Variants in TMEM232 observed in about 807,000 individuals in gnomAD.
TMEM232 encodes transmembrane protein 232.
In TMEM232, 80 loss-of-function variants were observed where a neutral mutation model predicts 78.8. The ratio of observed to expected loss-of-function variants is 1.01; its 90% CI spans 0.85 to 1.22. The LOEUF (loss-of-function observed/expected upper bound fraction) is 1.22, where lower values mean the gene tolerates loss of function less well. Ranked by LOEUF, TMEM232 falls within the 50% of genes most tolerant of loss-of-function variation. The pLI is 0.00. For synonymous variants in TMEM232, 297 were observed against 254.3 expected, an observed-to-expected ratio of 1.17 and a Z score of -1.60; for missense variants, 881 against 742.2, an observed-to-expected ratio of 1.19 and a Z score of -2.17.
chr5:110,627,750 T>A (rs772417119), intron 6 of TMEM232, 31 bp downstream of exon 6: 1 of 1,340,358 alleles, frequency 7.5e-7, no homozygotes, highest in East Asian at 2.6e-5. Flanking sequence ...ACATAAAACA[T>A]TTATAAGTGT....
intron 11 of TMEM232, among the ~76,000 whole-genome samples, chr5:110,564,394 T>C (rs139577542): frequency 1.1e-4 from 17 of 151,982 alleles, no homozygotes; most frequent in Admixed American, 5.3e-4. Flanking sequence ...TATTTCAAAA[T>C]GGCTTTCTTT....
intron 10 of TMEM232, among the ~76,000 whole-genome samples, chr5:110,582,888 T>A (rs547251696): frequency 1.3e-5 from 2 of 151,866 alleles, no homozygotes; most frequent in East Asian, 3.9e-4. Flanking sequence ...AAAAAGGAAA[T>A]TAGTAAAACA....
intron 10 of TMEM232, among the ~76,000 whole-genome samples, chr5:110,570,875 A>G (rs1175238800): frequency 6.6e-6 from 1 of 151,974 alleles, no homozygotes; most frequent in Non-Finnish European, 1.5e-5. Flanking sequence ...TTCTAATATG[A>G]CATCATTTTG....
At position 110,638,195 on chromosome 5, in the gene TMEM232, T is replaced by C; in HGVS notation, c.501+3A>G. Reference sequence around the variant, plus strand: ...AAACATTAAGAAGTTTTTCAAAACATACCTTTGCTAGCTTTATTTCAACTG... The same window carrying C: ...AAACATTAAGAAGTTTTTCAAAACACACCTTTGCTAGCTTTATTTCAACTG... On this transcript the variant is annotated splice_donor_region_variant and intron_variant, in intron 5 of 13. Coordinates refer to ENST00000455884, the MANE Select transcript of TMEM232 (RefSeq NM_001039763.4). 1 of 1,537,812 alleles carries C rather than the reference T, an allele frequency of 6.5e-7. No individual in the cohort carries two copies. The highest frequency in any genetic ancestry group is 8.8e-7 in the Non-Finnish European group (1 of 1,141,482).
intron 11 of TMEM232, among the ~76,000 whole-genome samples, chr5:110,531,624 T>C (rs1383723128): frequency 6.6e-6 from 1 of 152,258 alleles, no homozygotes; most frequent in Admixed American, 6.5e-5. Flanking sequence ...AGACATGTTT[T>C]ATTCGTCTCC....
intron 11 of TMEM232, among the ~76,000 whole-genome samples, chr5:110,567,014 G>A (rs1204331091): frequency 6.6e-6 from 1 of 151,864 alleles, no homozygotes; most frequent in Non-Finnish European, 1.5e-5. Flanking sequence ...GAGAGCATGT[G>A]CAGGGAAACT....
At position 110,420,187 on chromosome 5, in the gene TMEM232, ATAAT is replaced by A. The variant is rs1756498553; in HGVS notation, c.*389_*392del. The A allele has an allele frequency of 1.3e-5, 2 of 155,238 alleles. No homozygotes were observed. Among genetic ancestry groups the A allele is most frequent in the Admixed American group, 6.5e-5 (1 of 15,338 alleles). The allele number at this position is 155,238 out of a possible 1,614,324, so 9.6% of individuals were successfully genotyped here. A position where few individuals can be genotyped will look rare whatever the true frequency, so the allele number is the denominator to read the frequency against. On this transcript the variant is annotated 3_prime_UTR_variant, in exon 14 of 14. Coordinates refer to ENST00000455884, the MANE Select transcript of TMEM232 (RefSeq NM_001039763.4). ...TTTATGTTCATTCTGTTTTCAAGAA[ATAAT>A]TCTTATCTGGTGACCCATTAATTAA...
Position 110,640,975 on chromosome 5 carries a change from G to C in TMEM232, c.259C>G (p.Leu87Val). 1 of 1,531,780 alleles carries C rather than the reference G, an allele frequency of 6.5e-7. No individual in the cohort carries two copies. The highest frequency in any genetic ancestry group is 8.8e-7 in the Non-Finnish European group (1 of 1,137,966). The allele number at this position is 1,531,780 out of a possible 1,614,324, so 94.9% of individuals were successfully genotyped here. ...RCKRKLGLKTLGSGRHVHLPA... is the reference protein window; with the variant it reads ...RCKRKLGLKTVGSGRHVHLPA... ...AGATGCACATGCCTTCCAGAGCCCA[G>C]GGTTTTGAGACCCAATTTTCTCTGT... Residue 87 changes from leucine to valine, a missense_variant, in exon 4 of 14, where the codon CTG (leucine) becomes GTG (valine). Leu to Val is a conservative substitution (Grantham distance 32). Coordinates refer to ENST00000455884, the MANE Select transcript of TMEM232 (RefSeq NM_001039763.4).
chr5:110,729,923 A>G (rs1798517139), upstream of TMEM232, among the ~76,000 whole-genome samples: 1 of 152,222 alleles, frequency 6.6e-6, no homozygotes, highest in Non-Finnish European at 1.5e-5. Context: ...CTCATTTTAG[A>G]AGCCTTCCAA....
chr5:110,578,719 G>A (rs1000337116), intron 10 of TMEM232, among the ~76,000 whole-genome samples: 3 of 151,734 alleles, frequency 2.0e-5, no homozygotes, highest in Non-Finnish European at 4.4e-5. Context: ...TCGTGACATC[G>A]GCAAGATGGC....
chr5:110,434,982 A>G (rs1758263501), intron 12 of TMEM232, among the ~76,000 whole-genome samples: 2 of 151,754 alleles, frequency 1.3e-5, no homozygotes, highest in South Asian at 4.1e-4. Flanking sequence ...AACCTACTGA[A>G]TGGGCAAAAT....
At chr5:110,721,045 T>C (rs1235481349) in intron 1 of TMEM232, among the ~76,000 whole-genome samples, 1 of 152,086 alleles carries the variant, frequency 6.6e-6, no homozygotes, top group Non-Finnish European at 1.5e-5. Flanking sequence ...AAAATAATGC[T>C]GAAAGCCACA....
At chr5:110,598,755 G>A (rs752281638) in intron 10 of TMEM232, among the ~76,000 whole-genome samples, 19 of 149,336 alleles carry the variant, frequency 1.3e-4, no homozygotes, top group African/African-American at 3.7e-4. Flanking sequence ...GTAAACTATC[G>A]CAAGGACAAA....
At chr5:110,471,846 C>T (rs1291843368) in intron 12 of TMEM232, among the ~76,000 whole-genome samples, 1 of 151,816 alleles carries the variant, frequency 6.6e-6, no homozygotes, top group Non-Finnish European at 1.5e-5. Flanking sequence ...TTAAGCCAGA[C>T]TAAGAAGTCA....
chr5:110,680,095 G>T (rs144289058), intron 1 of TMEM232, among the ~76,000 whole-genome samples: 221 of 152,058 alleles, frequency 1.5e-3, no homozygotes, highest in African/African-American at 5.2e-3. Context: ...AGCTCCCCAG[G>T]TGAGTTTAAT....
chr5:110,619,866 T>G (rs1414940560), intron 7 of TMEM232, among the ~76,000 whole-genome samples: 4 of 152,038 alleles, frequency 2.6e-5, no homozygotes, highest in African/African-American at 9.7e-5. Context: ...TGTATACATA[T>G]GTAACAAACC....
chr5:110,584,563 G>C (rs1778587617), intron 10 of TMEM232, among the ~76,000 whole-genome samples: 1 of 152,078 alleles, frequency 6.6e-6, no homozygotes, highest in Non-Finnish European at 1.5e-5. Context: ...ATAAGTTCTA[G>C]AGATCTGCTG....
chr5:110,511,397 C>G (rs1404615556), intron 12 of TMEM232, among the ~76,000 whole-genome samples: 1 of 151,192 alleles, frequency 6.6e-6, no homozygotes, highest in East Asian at 1.9e-4. Context: ...ACCTATGTAA[C>G]AAACCTGCAC....
At chr5:110,692,569 G>T (rs1794260832) in intron 1 of TMEM232, among the ~76,000 whole-genome samples, 2 of 152,354 alleles carry the variant, frequency 1.3e-5, no homozygotes, top group East Asian at 3.9e-4. Flanking sequence ...AGGGGTGACA[G>T]ATGGCACATG....
Sources: allele counts gnomAD v4.1 joint callset (sites outside exome capture counted in the v4.1 genomes callset), GRCh38; gene constraint gnomAD v4.1.1; transcripts MANE v1.5; gene names NCBI Gene and HGNC (gene_info 2026-07-23, HGNC 2026-07-21).